SHANK2: variants seen among roughly 807,000 people sequenced by gnomAD.
The protein encoded by SHANK2 is SH3 and multiple ankyrin repeat domains 2, also known as SH3 and multiple ankyrin repeat domains protein 2.
Under a neutral mutation model 133.7 loss-of-function variants are expected in SHANK2, and 43 were observed. The observed-to-expected ratio is 0.32, with a 90% CI of 0.25 to 0.41. The LOEUF is 0.41. Ranked by LOEUF, SHANK2 falls within the 10% of genes least tolerant of loss-of-function variation. The pLI is 1.00. For synonymous variants in SHANK2, 1,017 were observed against 952.8 expected (o/e 1.07, Z -1.24); for missense variants, 1,994 against 2,235.8 (o/e 0.89, Z 2.18).
chr11:70,877,762 G>C (rs1949592179), intron 11 of SHANK2, among the ~76,000 whole-genome samples: 1 of 152,218 alleles, frequency 6.6e-6, no homozygotes, highest in Admixed American at 6.5e-5. Context: ...CAAGGAGTAA[G>C]GCTGAGGCCA....
intron 14 of SHANK2, among the ~76,000 whole-genome samples, chr11:70,698,993 A>G (rs1340389907): frequency 6.6e-6 from 1 of 151,962 alleles, no homozygotes; most frequent in Non-Finnish European, 1.5e-5. Context: ...CAGGAGCACT[A>G]CTCCCTAAGG....
rs1173604802 is a variant in SHANK2 at position 70,470,364 on chromosome 11, C to T, written c.*2505G>A. On this transcript the variant is annotated 3_prime_UTR_variant, in exon 26 of 26. Coordinates refer to ENST00000601538, the MANE Select transcript of SHANK2 (RefSeq NM_012309.5). ...GGAGTATCTTTAAGAAAGGGAATAA[C>T]ATCTGGCCCTCACCAACTGGCTGCC... The T allele has an allele frequency of 3.9e-5, 6 of 152,238 alleles. No homozygotes were observed. The highest frequency in any genetic ancestry group is 1.4e-4 in the African/African-American group (6 of 41,440). 9.4% of individuals were successfully genotyped at this position (152,238 alleles called of 1,614,324 possible).
intron 17 of SHANK2, among the ~76,000 whole-genome samples, chr11:70,565,028 C>A (rs2136147118): frequency 6.6e-6 from 1 of 152,246 alleles, no homozygotes; most frequent in Non-Finnish European, 1.5e-5. Flanking sequence ...CGGTGTTAAT[C>A]CCCAGTCAAT....
intron 2 of SHANK2, among the ~76,000 whole-genome samples, chr11:71,185,844 T>C (rs1555114396): frequency 2.6e-5 from 4 of 151,748 alleles, no homozygotes; most frequent in East Asian, 3.9e-4. Context: ...GTTGCAGCTA[T>C]TGTGACGAGA....
chr11:71,181,331 G>A (rs1341994563), intron 2 of SHANK2, among the ~76,000 whole-genome samples: 1 of 152,090 alleles, frequency 6.6e-6, no homozygotes, highest in Non-Finnish European at 1.5e-5. Context: ...GTGGCACATG[G>A]CCTTTAAGAA....
intron 13 of SHANK2, among the ~76,000 whole-genome samples, chr11:70,800,706 G>A (rs1319333975): frequency 6.6e-6 from 1 of 152,216 alleles, no homozygotes; most frequent in African/African-American, 2.4e-5. Context: ...AAAACTCGAT[G>A]CAGGGCCTGT....
At chr11:71,101,229 G>C (rs1172650140) in intron 6 of SHANK2, among the ~76,000 whole-genome samples, 1 of 152,142 alleles carries the variant, frequency 6.6e-6, no homozygotes, top group Non-Finnish European at 1.5e-5. Flanking sequence ...CCCAAGACAG[G>C]CTCCTGTGGA....
At chr11:70,788,560 G>A (rs1203641626) in intron 14 of SHANK2, among the ~76,000 whole-genome samples, 1 of 152,182 alleles carries the variant, frequency 6.6e-6, no homozygotes, top group African/African-American at 2.4e-5. Context: ...AAAACATGGT[G>A]TATGCAGTAC....
intron 11 of SHANK2, among the ~76,000 whole-genome samples, chr11:70,890,478 AAAAAAAAAAC>A (rs1252863500): frequency 5.7e-4 from 2 of 3,520 alleles, no homozygotes; most frequent in Non-Finnish European, 0.033. Flanking sequence ...GTCTCTACTA[AAAAAAAAAAC>A]AAAAAAAACA....
chr11:71,059,275 A>G (rs1216764249), intron 9 of SHANK2, among the ~76,000 whole-genome samples: 1 of 152,170 alleles, frequency 6.6e-6, no homozygotes, highest in Non-Finnish European at 1.5e-5. Context: ...CTAGAAGGAA[A>G]TAGGGAGCAG....
At chr11:70,528,803 G>A (rs1251092300) in intron 17 of SHANK2, among the ~76,000 whole-genome samples, 6 of 152,096 alleles carry the variant, frequency 3.9e-5, no homozygotes, top group South Asian at 2.1e-4. Context: ...AGGGGGGTCC[G>A]TGGCAGCCGG....
At chr11:70,831,364 G>T (rs75780967) in intron 11 of SHANK2, among the ~76,000 whole-genome samples, 1 of 152,106 alleles carries the variant, frequency 6.6e-6, no homozygotes, top group African/African-American at 2.4e-5. Context: ...AAAGGAAAAG[G>T]GTCACCCCCA....
In SHANK2 at chr11:70,549,747, G is replaced by C. The variant is rs147215053; in HGVS notation, c.2062-46816C>G. ...AGCCCTGTTGGAATTCATGCCTCTT[G>C]GAGGTGAGACCTTTTCCACAGACAG... On this transcript the variant is annotated intron_variant, in intron 17 of 25. Coordinates refer to ENST00000601538, the MANE Select transcript of SHANK2 (RefSeq NM_012309.5). Among the ~76,000 whole-genome samples the C allele has an allele frequency of 5.9e-5, 9 of 152,326 alleles. No homozygotes were observed. The East Asian group carries it at 1.4e-3, about 23-fold the overall frequency.
At chr11:70,813,028 T>TC (rs1399051076) in intron 12 of SHANK2, among the ~76,000 whole-genome samples, 5 of 152,072 alleles carry the variant, frequency 3.3e-5, no homozygotes, top group Non-Finnish European at 7.4e-5. Flanking sequence ...AGTTACACAT[T>TC]CATTCATTCA....
At chr11:71,103,044 G>T (rs185706041) in intron 6 of SHANK2, among the ~76,000 whole-genome samples, 1 of 152,358 alleles carries the variant, frequency 6.6e-6, no homozygotes, top group East Asian at 1.9e-4. Flanking sequence ...TGCCTCTTTT[G>T]TAAGGGCACT....
At chr11:70,855,764 G>A (rs1310678545) in intron 11 of SHANK2, among the ~76,000 whole-genome samples, 1 of 152,232 alleles carries the variant, frequency 6.6e-6, no homozygotes, top group Non-Finnish European at 1.5e-5. Context: ...GGGAAGAAAG[G>A]AAGGAGTTAA....
chr11:70,567,793 C>T (rs1345493258), intron 17 of SHANK2, among the ~76,000 whole-genome samples: 4 of 152,286 alleles, frequency 2.6e-5, no homozygotes, highest in African/African-American at 9.6e-5. Flanking sequence ...CTGTGAGAGT[C>T]AACGTCTACT....
At chr11:70,950,683 C>T (rs58410194) in intron 10 of SHANK2, among the ~76,000 whole-genome samples, 9,536 of 152,184 alleles carry the variant, frequency 0.063, 1,013 homozygotes, top group African/African-American at 0.22. Context: ...TCTCTGCTCA[C>T]TGCCACCTTT....
At chr11:71,187,608 T>A in intron 2 of SHANK2, among the ~76,000 whole-genome samples, 1 of 152,148 alleles carries the variant, frequency 6.6e-6, no homozygotes. Context: ...GGGTTTCTCA[T>A]GTTTGCCCAG....
Sources: allele counts gnomAD v4.1 joint callset (sites outside exome capture counted in the v4.1 genomes callset), GRCh38; gene constraint gnomAD v4.1.1; transcripts MANE v1.5; gene names NCBI Gene and HGNC (gene_info 2026-07-23, HGNC 2026-07-21).